Variants in CHD5 observed in about 807,000 individuals in gnomAD.
CHD5 encodes ATP-dependent chromatin remodeler CHD5.
Under a neutral mutation model 230.3 loss-of-function variants are expected in CHD5, and 69 were observed. That is an observed-to-expected ratio of 0.30 (90% CI 0.25 to 0.37). CHD5 has a LOEUF of 0.37. Ranked by LOEUF, CHD5 falls within the 10% of genes least tolerant of loss-of-function variation. CHD5 has a pLI of 1.00. For missense variants in CHD5, 1,827 were observed against 2,622.8 expected (o/e 0.70, Z 6.63); for synonymous variants, 1,064 against 1,065.9 (o/e 1.00, Z 0.03).
intron 6 of CHD5, among the ~76,000 whole-genome samples, chr1:6,152,136 C>T (rs905090254): frequency 4.6e-5 from 7 of 152,202 alleles, no homozygotes; most frequent in Admixed American, 6.5e-5. Context: ...CAGGACTGAG[C>T]TCCCACTCAG....
chr1:6,175,291 GTGGATGGATGAA>G (rs1571177122), intron 1 of CHD5, among the ~76,000 whole-genome samples: 1 of 150,410 alleles, frequency 6.6e-6, no homozygotes. Context: ...TGGATGGATG[GTGGATGGATGAA>G]TGAATGGATG....
rs372178185 is a variant in CHD5, at chr1:6,155,733, C to G, written c.388-16G>C. On this transcript the variant is annotated splice_polypyrimidine_tract_variant and intron_variant, in intron 3 of 41. Transcript: ENST00000262450. The surrounding 1 kb of genome is among the most constrained non-coding windows in gnomAD (Gnocchi z 4.0). ...ACTTGGGCTCCTACAGAGACCCAGG[C>G]CAGAGGTAGAGTTGTTGAGGGGCCT... The G allele has an allele frequency of 5.9e-5, 94 of 1,606,524 alleles. 1 individual carries two copies. The African/African-American group carries it at 1.1e-3, about 19-fold the overall frequency.
rs1333847266 is a variant in CHD5, at chr1:6,112,321, G to C, written c.5003-44C>G. On this transcript the variant is annotated intron_variant, in intron 34 of 41. Transcript: ENST00000262450. ...ATTCATTCATCCATCCATCCAAAAA[G>C]CAGTGCCCAGCGGCCTCTCTCTGCC... The C allele has an allele frequency of 6.9e-6, 11 of 1,603,014 alleles. No individual in the cohort carries two copies. In the South Asian group the frequency reaches 1.2e-4, roughly 18 times the overall value.
At chr1:6,135,488 C>T (rs72632517) in intron 17 of CHD5, 85 bp from the exon 18 acceptor site, 162,814 of 1,266,418 alleles carry the variant, frequency 0.13, 11,461 homozygotes, top group Middle Eastern at 0.23. Flanking sequence ...CCATGTAGGC[C>T]GGCTAGCTGG....
At chr1:6,140,388 G>A (rs567386797) in intron 15 of CHD5, among the ~76,000 whole-genome samples, 5 of 148,028 alleles carry the variant, frequency 3.4e-5, no homozygotes, top group Non-Finnish European at 7.4e-5. Context: ...GACAGAGTGA[G>A]ACTCCATCTC....
At chr1:6,124,755 G>T in intron 29 of CHD5, 94 bp from the exon 30 acceptor site, 1 of 816,768 alleles carries the variant, frequency 1.2e-6, no homozygotes, top group Non-Finnish European at 1.9e-6. Flanking sequence ...ACTCCTGGCT[G>T]ATCTTCAACC....
intron 34 of CHD5, among the ~76,000 whole-genome samples, chr1:6,112,593 T>C (rs1458598032): frequency 6.6e-6 from 1 of 152,346 alleles, no homozygotes; most frequent in African/African-American, 2.4e-5. Context: ...TGAGGACAAC[T>C]GTTCCAGAAC....
In CHD5 at chr1:6,106,732, T is replaced by A; in HGVS notation, c.5626A>T (p.Thr1876Ser). 1 of 1,611,764 alleles carries A rather than the reference T, an allele frequency of 6.2e-7. No homozygotes were observed. The highest frequency in any genetic ancestry group is 8.5e-7 in the Non-Finnish European group (1 of 1,179,710). The part of the protein sequence containing the change: ...ELLSDMKADV[T>S]RLPSMLSRIP... Reference sequence around the variant, plus strand: ...CGGGACAGCATGGATGGCAGCCGGGTCACGTCGGCCTTCATGTCGCTCAGC... The same window carrying A: ...CGGGACAGCATGGATGGCAGCCGGGACACGTCGGCCTTCATGTCGCTCAGC... The change falls in exon 39 of 42, where the codon ACC becomes TCC. Residue 1876 changes from threonine (T) to serine (S), a missense_variant. This residue lies in a region of CHD5 where 208 missense variants were observed against 302.0 expected (regional missense o/e 0.69). Coordinates refer to ENST00000262450, the MANE Select transcript of CHD5 (RefSeq NM_015557.3).
chr1:6,109,766 C>A, intron 38 of CHD5, 29 bp downstream of exon 38: 1 of 1,595,794 alleles, frequency 6.3e-7, no homozygotes, highest in Non-Finnish European at 8.6e-7. Context: ...GGGCGGGGGG[C>A]TGCACCGTGG....
chr1:6,134,844 G>T lies in CHD5; in HGVS notation c.2886C>A (p.Phe962Leu). 6.2e-7 allele frequency: 1 copy of T among 1,614,168 alleles called. No homozygotes were observed. The highest frequency in any genetic ancestry group is 1.1e-5 in the South Asian group (1 of 91,078). ...GTGCCTCAAAGTTCCGTGTGAGGAT[G>T]AACTTGTAGTACTTCCTGCAGCAGG... is the stretch of plus-strand genomic sequence containing the variant. ...LSQMQKKYYK[F>L]ILTRNFEALN... The change falls in exon 19 of 42, where the codon TTC becomes TTA. Residue 962 changes from phenylalanine (F) to leucine (L), a missense_variant. Phe to Leu is a conservative substitution (Grantham distance 22). Coordinates refer to ENST00000262450, the MANE Select transcript of CHD5 (RefSeq NM_015557.3). The surrounding 1 kb of genome is among the most constrained non-coding windows in gnomAD (Gnocchi z 6.3).
intron 11 of CHD5, among the ~76,000 whole-genome samples, chr1:6,144,906 C>G (rs555250167): frequency 2.6e-5 from 4 of 152,262 alleles, no homozygotes; most frequent in Non-Finnish European, 4.4e-5. Flanking sequence ...TTTGTTTTCC[C>G]ATACATAATT....
At chr1:6,157,974 A>T (rs1351419817) in intron 3 of CHD5, among the ~76,000 whole-genome samples, 4 of 152,182 alleles carry the variant, frequency 2.6e-5, no homozygotes, top group Non-Finnish European at 5.9e-5. Context: ...AGTTATTCAC[A>T]TTCATGATTT....
At position 6,128,015 on chromosome 1, in the gene CHD5, C is replaced by T. The variant is rs2273035; in HGVS notation, c.3903+31G>A. On this transcript the variant is annotated intron_variant, in intron 25 of 41. Transcript: ENST00000262450. The surrounding 1 kb of genome is among the most constrained non-coding windows in gnomAD (Gnocchi z 7.8). ...GCGGGGCTGCGGATGGAGGGCGGGG[C>T]TGCGGATGGAGGGCGGGCCGGGGAC... The T allele has an allele frequency of 2.4e-4, 367 of 1,546,350 alleles. 3 individuals are homozygous for T. In the East Asian group the frequency reaches 8.5e-3, roughly 36 times the overall value.
chr1:6,128,362 G>A lies in CHD5; in HGVS notation c.3730+137C>T, dbSNP rs568677145. ...GCATGGTGACCAGACAGAGGAAACT[G>A]CGCTGTAACAGCCCCACTCGCCGCC... is the stretch of plus-strand genomic sequence containing the variant. On this transcript the variant is annotated intron_variant, in intron 24 of 41. Coordinates refer to ENST00000262450, the MANE Select transcript of CHD5 (RefSeq NM_015557.3). This position sits in a 1 kb window ranked among gnomAD's most constrained non-coding sequence, Gnocchi z 7.8. 16 of 1,105,204 alleles carry A rather than the reference G, an allele frequency of 1.4e-5. No individual in the cohort carries two copies. In the East Asian group the frequency reaches 4.0e-4, roughly 28 times the overall value. 68.5% of individuals were successfully genotyped at this position (1,105,204 alleles called of 1,614,324 possible).
intron 15 of CHD5, among the ~76,000 whole-genome samples, chr1:6,140,407 AAAAG>A (rs1201077145): frequency 7.9e-5 from 12 of 151,652 alleles, no homozygotes; most frequent in African/African-American, 2.7e-4. Flanking sequence ...TCAAAAAAAA[AAAAG>A]AAAAGAAAAA....
rs1303587072 is a variant in CHD5, at chr1:6,131,032, A to G, written c.3262+599T>C. Among the ~76,000 whole-genome samples the G allele has an allele frequency of 6.6e-6, 1 of 152,194 alleles. No individual in the cohort carries two copies. The highest frequency in any genetic ancestry group is 2.4e-5 in the African/African-American group (1 of 41,442). ...TTGGAGAGCGTGGCCCCAGCCCCTA[A>G]GGGCTGACGCCCCAGGGAAACAAAG... On this transcript the variant is annotated intron_variant, in intron 21 of 41. Coordinates refer to ENST00000262450, the MANE Select transcript of CHD5 (RefSeq NM_015557.3). This position sits in a 1 kb window ranked among gnomAD's most constrained non-coding sequence, Gnocchi z 5.0.
In CHD5 at chr1:6,178,004, C is replaced by T. The variant is rs185794963; in HGVS notation, c.79+1941G>A. On this transcript the variant is annotated intron_variant, in intron 1 of 41. Transcript: ENST00000262450. The stretch of plus-strand genomic sequence containing the variant: ...GTGGGTAGAAGGCCCTGGAGGGGAC[C>T]GGCAGGAGGGGACAGAGGCTTGGAC... 1.2e-4 allele frequency among the ~76,000 whole-genome samples: 18 copies of T among 152,152 alleles called. No individual in the cohort carries two copies. In the East Asian group the frequency reaches 3.3e-3, roughly 28 times the overall value.
At position 6,142,622 on chromosome 1, in the gene CHD5, G is replaced by C. The variant is rs201487575; in HGVS notation, c.2044-17C>G. 12 of 1,601,922 alleles carry C rather than the reference G, an allele frequency of 7.5e-6. No individual in the cohort carries two copies. In the East Asian group the frequency reaches 2.5e-4, roughly 33 times the overall value. Reference sequence around the variant, plus strand: ...GACCGTGGGCTGCAGGGGAGGCAGCGGTTCAGACACGCCCCAGATCCTGGG... The same window carrying C: ...GACCGTGGGCTGCAGGGGAGGCAGCCGTTCAGACACGCCCCAGATCCTGGG... On this transcript the variant is annotated splice_polypyrimidine_tract_variant and intron_variant, in intron 13 of 41. Transcript: ENST00000262450. This position sits in a 1 kb window ranked among gnomAD's most constrained non-coding sequence, Gnocchi z 5.2.
chr1:6,119,447 T>C (rs1291445565), intron 33 of CHD5, among the ~76,000 whole-genome samples: 1 of 152,178 alleles, frequency 6.6e-6, no homozygotes, highest in African/African-American at 2.4e-5. Flanking sequence ...AGAGGGTTAT[T>C]ACACAATAAT....
Sources: gnomAD v4.1 joint callset for allele counts (sites outside exome capture counted in the v4.1 genomes callset) on GRCh38, gnomAD v4.1.1 for gene constraint, gnomAD v4.1.1 regional missense constraint, Gnocchi (gnomAD v3.1) non-coding constraint, MANE v1.5 for transcripts, NCBI Gene and HGNC (gene_info 2026-07-23, HGNC 2026-07-21) for gene names.